The following UTS2 variants were observed in gnomAD, a reference collection of about 807,000 sequenced individuals.
The protein encoded by UTS2 is urotensin-2.
Under a neutral mutation model 12.6 loss-of-function variants are expected in UTS2, and 10 were observed. The ratio of observed to expected loss-of-function variants is 0.80; its 90% CI spans 0.49 to 1.35. The LOEUF is 1.35. UTS2 is among the 40% of genes most tolerant of loss of function. The pLI, the probability that UTS2 is intolerant of heterozygous loss-of-function variation, is 0.00. For missense variants in UTS2, 142 were observed against 143.2 expected, an observed-to-expected ratio of 0.99 and a Z score of 0.04; for synonymous variants, 52 against 50.0, an observed-to-expected ratio of 1.04 and a Z score of -0.17.
the UTS2 span, among the ~76,000 whole-genome samples, chr1:7,876,846 C>A: frequency 6.6e-6 from 1 of 150,674 alleles, no homozygotes; most frequent in Admixed American, 6.6e-5. Context: ...TATAAGAACA[C>A]AGCGGCTGGG....
At chr1:7,873,033 C>T in the UTS2 span, among the ~76,000 whole-genome samples, 46 of 152,310 alleles carry the variant, frequency 3.0e-4, no homozygotes, top group Middle Eastern at 0.01. Context: ...ATCTACTCTC[C>T]CTGTGCTCTA....
the UTS2 span, among the ~76,000 whole-genome samples, chr1:7,903,046 CT>C: frequency 8.7e-6 from 1 of 115,304 alleles, no homozygotes; most frequent in African/African-American, 3.4e-5. Context: ...CCTTCCCCTC[CT>C]TCTCCTGCTT....
At chr1:7,879,498 T>C in the UTS2 span, among the ~76,000 whole-genome samples, 2 of 152,154 alleles carry the variant, frequency 1.3e-5, no homozygotes, top group African/African-American at 2.4e-5. Context: ...CCCAGTACTT[T>C]AGGAGGCTGA....
the UTS2 span, among the ~76,000 whole-genome samples, chr1:7,887,326 G>A: frequency 6.6e-6 from 1 of 152,082 alleles, no homozygotes; most frequent in African/African-American, 2.4e-5. Flanking sequence ...ACAGCAGGGT[G>A]TGAGCAGCCA....
the UTS2 span, among the ~76,000 whole-genome samples, chr1:7,885,908 T>TGGGGGGGGGGGGGGGGGGGG: frequency 7.1e-5 from 1 of 13,992 alleles, no homozygotes; most frequent in Non-Finnish European, 1.8e-4. Flanking sequence ...GGGGGTGGGG[T>TGGGGGGGGGGGGGGGGGGGG]GGGGGGGGGC....
the UTS2 span, among the ~76,000 whole-genome samples, chr1:7,910,401 GA>G: frequency 6.6e-6 from 1 of 151,878 alleles, no homozygotes; most frequent in Admixed American, 6.6e-5. Context: ...CAGAAGGAAT[GA>G]AGGCTGCACA....
In UTS2 at chr1:7,851,513, G is replaced by A. The variant is rs566542375; in HGVS notation, c.104-591C>T. 1.5e-4 allele frequency among the ~76,000 whole-genome samples: 23 copies of A among 152,260 alleles called. 1 individual carries two copies. The South Asian group carries it at 4.0e-3, about 26-fold the overall frequency. On this transcript the variant is annotated intron_variant, in intron 1 of 3. Coordinates refer to ENST00000361696, the MANE Select transcript of UTS2 (RefSeq NM_006786.4). ...GGCATATAGAATGCATGGTAAGTGC[G>A]CTTAAGGTGTGTGGAAAGGGCACAC...
chr1:7,902,910 G>T, the UTS2 span, among the ~76,000 whole-genome samples: 37 of 152,074 alleles, frequency 2.4e-4, no homozygotes, highest in African/African-American at 8.0e-4. Context: ...TGATCCCGAG[G>T]GAGGCCTGCG....
the UTS2 span, among the ~76,000 whole-genome samples, chr1:7,894,322 C>T: frequency 6.6e-6 from 1 of 151,908 alleles, no homozygotes; most frequent in Admixed American, 6.6e-5. Flanking sequence ...AGCAGGCCCC[C>T]ACCACTACAT....
At chr1:7,902,504 T>C in the UTS2 span, among the ~76,000 whole-genome samples, 2 of 152,178 alleles carry the variant, frequency 1.3e-5, no homozygotes, top group African/African-American at 4.8e-5. Flanking sequence ...TTTTCTTTCT[T>C]TTGGCGACTT....
At chr1:7,885,957 C>A in the UTS2 span, among the ~76,000 whole-genome samples, 291 of 149,882 alleles carry the variant, frequency 1.9e-3, no homozygotes, top group African/African-American at 6.9e-3. Context: ...CCTGTGTGGC[C>A]CTTGTGGGGC....
chr1:7,903,759 G>C, the UTS2 span, among the ~76,000 whole-genome samples: 1 of 152,148 alleles, frequency 6.6e-6, no homozygotes, highest in Non-Finnish European at 1.5e-5. Context: ...GCTTGCACAG[G>C]AGTGTCACAT....
chr1:7,899,659 C>T, the UTS2 span, among the ~76,000 whole-genome samples: 4 of 152,174 alleles, frequency 2.6e-5, no homozygotes, highest in African/African-American at 7.2e-5. Flanking sequence ...AGGCACGAAC[C>T]ACTGCACCTG....
chr1:7,859,978 G>A, the UTS2 span, among the ~76,000 whole-genome samples: 11 of 149,022 alleles, frequency 7.4e-5, no homozygotes, highest in Admixed American at 5.5e-4. Context: ...CAGCTTAGGC[G>A]ACAGAGCGAG....
chr1:7,848,985 CT>C (rs748872155), intron 3 of UTS2, among the ~76,000 whole-genome samples: 12 of 152,208 alleles, frequency 7.9e-5, no homozygotes, highest in Non-Finnish European at 1.8e-4. Flanking sequence ...GCATCCCTCA[CT>C]GGCTTCCAGG....
chr1:7,852,494 A>T (rs1372746517), intron 1 of UTS2, among the ~76,000 whole-genome samples: 2 of 110,826 alleles, frequency 1.8e-5, no homozygotes, highest in Admixed American at 1.7e-4. Flanking sequence ...TTTAAACAAA[A>T]GGTGAAACAA....
the UTS2 span, among the ~76,000 whole-genome samples, chr1:7,867,032 G>T: frequency 0.18 from 26,708 of 151,966 alleles, 2,543 homozygotes; most frequent in Non-Finnish European, 0.19. Context: ...ACCACGCCCA[G>T]CTAATGTTTG....
upstream of UTS2, chr1:7,853,555 T>G (rs1638220954): frequency 7.4e-7 from 1 of 1,349,702 alleles, no homozygotes; most frequent in Non-Finnish European, 1.0e-6. Context: ...CAGTGAAAAG[T>G]TAAAATACAT....
the UTS2 span, among the ~76,000 whole-genome samples, chr1:7,874,163 G>A: frequency 6.6e-6 from 1 of 152,142 alleles, no homozygotes; most frequent in Non-Finnish European, 1.5e-5. Flanking sequence ...AAGAGAAACT[G>A]CCCAACGTAG....
Sources: gnomAD v4.1 joint callset for allele counts (sites outside exome capture counted in the v4.1 genomes callset) on GRCh38, gnomAD v4.1.1 for gene constraint, MANE v1.5 for transcripts, NCBI Gene and HGNC (gene_info 2026-07-23, HGNC 2026-07-21) for gene names.